The following ATP8A2 variants were observed in gnomAD, a reference collection of about 807,000 sequenced individuals.
The protein encoded by ATP8A2 is ATPase phospholipid transporting 8A2.
In ATP8A2, 100 loss-of-function variants were observed where a neutral mutation model predicts 165.6. That is an observed-to-expected ratio of 0.60 (90% CI 0.51 to 0.71). The LOEUF is 0.71. Among genes scored for constraint, ATP8A2 ranks in the 30% least tolerant of loss-of-function variants. ATP8A2 has a pLI of 0.00. For missense variants in ATP8A2, 1,227 were observed against 1,479.5 expected, an observed-to-expected ratio of 0.83 and a Z score of 2.80; for synonymous variants, 543 against 548.8, an observed-to-expected ratio of 0.99 and a Z score of 0.15.
chr13:25,473,072 A>T (rs938750136), intron 2 of ATP8A2, among the ~76,000 whole-genome samples: 3 of 152,228 alleles, frequency 2.0e-5, no homozygotes, highest in Non-Finnish European at 2.9e-5. Context: ...ATGCCTAGAA[A>T]GCAGGAGTGA....
At chr13:25,540,903 C>T (rs2038454516) in intron 8 of ATP8A2, among the ~76,000 whole-genome samples, 1 of 151,336 alleles carries the variant, frequency 6.6e-6, no homozygotes, top group South Asian at 2.1e-4. Flanking sequence ...GCTCTGTTGC[C>T]CAGGCTGGAG....
chr13:25,803,809 C>T (rs547993190), intron 27 of ATP8A2, among the ~76,000 whole-genome samples: 8 of 152,224 alleles, frequency 5.3e-5, no homozygotes, highest in Non-Finnish European at 1.0e-4. Flanking sequence ...AGAAGTGGTG[C>T]TTAGTACTAT....
chr13:25,870,990 G>A (rs1952660767), intron 33 of ATP8A2, among the ~76,000 whole-genome samples: 1 of 151,918 alleles, frequency 6.6e-6, no homozygotes, highest in South Asian at 2.1e-4. Flanking sequence ...CATTTTTTTA[G>A]TCCTTGTCCT....
intron 30 of ATP8A2, among the ~76,000 whole-genome samples, chr13:25,845,154 C>T (rs1441492364): frequency 1.3e-5 from 2 of 152,178 alleles, no homozygotes; most frequent in African/African-American, 4.8e-5. Context: ...CCATGGTCTG[C>T]CTGCAGCTCC....
chr13:25,912,794 C>T (rs1451316679), intron 33 of ATP8A2, among the ~76,000 whole-genome samples: 1 of 152,172 alleles, frequency 6.6e-6, no homozygotes, highest in African/African-American at 2.4e-5. Flanking sequence ...TTAAAACTAG[C>T]TGTCTCCGAC....
At chr13:25,500,593 AT>A (rs141442921) in intron 2 of ATP8A2, among the ~76,000 whole-genome samples, 10,191 of 150,128 alleles carry the variant, frequency 0.068, 458 homozygotes, top group African/African-American at 0.12. Context: ...CCAATATATA[AT>A]TTTTTTTTTG....
At chr13:25,435,147 GT>G (rs2034722233) in intron 1 of ATP8A2, among the ~76,000 whole-genome samples, 1 of 149,582 alleles carries the variant, frequency 6.7e-6, no homozygotes, top group African/African-American at 2.5e-5. Flanking sequence ...TTGAGATGGA[GT>G]TTTGCTTTTT....
chr13:25,755,496 A>G (rs1336705870), intron 25 of ATP8A2, among the ~76,000 whole-genome samples: 2 of 152,382 alleles, frequency 1.3e-5, no homozygotes, highest in East Asian at 3.9e-4. Flanking sequence ...GGGGCAATTT[A>G]AAAATGAAGA....
At chr13:25,522,526 A>G (rs1289159013) in intron 2 of ATP8A2, among the ~76,000 whole-genome samples, 1 of 152,148 alleles carries the variant, frequency 6.6e-6, no homozygotes, top group African/African-American at 2.4e-5. Context: ...CCAGTTGAGT[A>G]TGATGTTGAT....
At chr13:25,474,668 C>G (rs2035943700) in intron 2 of ATP8A2, among the ~76,000 whole-genome samples, 1 of 150,968 alleles carries the variant, frequency 6.6e-6, no homozygotes, top group Admixed American at 6.6e-5. Context: ...ATGCTGAGAT[C>G]CTAATTTTTT....
intron 33 of ATP8A2, among the ~76,000 whole-genome samples, chr13:25,901,897 G>A (rs1452148121): frequency 6.6e-6 from 1 of 152,190 alleles, no homozygotes; most frequent in African/African-American, 2.4e-5. Flanking sequence ...TTTTAAACAT[G>A]CGTATAAAGA....
At chr13:25,959,128 G>C (rs1231988693) in intron 33 of ATP8A2, among the ~76,000 whole-genome samples, 2 of 152,222 alleles carry the variant, frequency 1.3e-5, no homozygotes, top group African/African-American at 4.8e-5. Flanking sequence ...CCCCTCTGGA[G>C]ACCCTGTTTA....
chr13:25,512,816 G>GAGATGGGGGGGTCAGCCC (rs2037293575), intron 2 of ATP8A2, among the ~76,000 whole-genome samples: 1 of 143,536 alleles, frequency 7.0e-6, no homozygotes, highest in Non-Finnish European at 1.5e-5. Flanking sequence ...GTACGGGGCG[G>GAGATGGGGGGGTCAGCCC]CTGGCCGGGC....
At chr13:25,501,421 G>T (rs2137700380) in intron 2 of ATP8A2, among the ~76,000 whole-genome samples, 1 of 152,308 alleles carries the variant, frequency 6.6e-6, no homozygotes, top group Non-Finnish European at 1.5e-5. Context: ...CTGGCATCTG[G>T]CTCTGGAATG....
chr13:25,887,441 C>T (rs1011061374), intron 33 of ATP8A2, among the ~76,000 whole-genome samples: 10 of 151,946 alleles, frequency 6.6e-5, no homozygotes, highest in Non-Finnish European at 1.3e-4. Context: ...TGGGTTCAAG[C>T]GATTCTCTTG....
chr13:25,447,695 G>T, intron 1 of ATP8A2, among the ~76,000 whole-genome samples: 1 of 152,186 alleles, frequency 6.6e-6, no homozygotes, highest in Non-Finnish European at 1.5e-5. Flanking sequence ...GGAGGGTCAG[G>T]GTGACAGCCT....
rs142111747 is a variant in ATP8A2 at position 25,430,286 on chromosome 13, G to C, written c.77-38691G>C. Among the ~76,000 whole-genome samples the C allele has an allele frequency of 8.4e-3, 1,284 of 152,124 alleles. 21 individuals are homozygous for C. Among genetic ancestry groups the C allele is most frequent in the African/African-American group, 0.029 (1,188 of 41,476 alleles). ...GAAATGCAACTGTGGGGGCGTCTCC[G>C]GTAAGGGATGGACATGGGGGGGCCC... On this transcript the variant is annotated intron_variant, in intron 1 of 36. Transcript: ENST00000381655.
chr13:25,989,125 A>G (rs1022599859), intron 35 of ATP8A2, among the ~76,000 whole-genome samples: 37 of 152,204 alleles, frequency 2.4e-4, no homozygotes, highest in African/African-American at 8.9e-4. Context: ...AATTACTTCA[A>G]CAATTCAGTC....
chr13:25,695,973 G>A (rs8000385), intron 24 of ATP8A2, among the ~76,000 whole-genome samples: 55,375 of 151,780 alleles, frequency 0.36, 10,605 homozygotes, highest in East Asian at 0.69. Flanking sequence ...CAGAGGAATT[G>A]CTGTCTATGG....
Sources: gnomAD v4.1 joint callset for allele counts (sites outside exome capture counted in the v4.1 genomes callset) on GRCh38, gnomAD v4.1.1 for gene constraint, MANE v1.5 for transcripts, NCBI Gene and HGNC (gene_info 2026-07-23, HGNC 2026-07-21) for gene names.